The following SLX4 variants were observed in gnomAD, a reference collection of about 807,000 sequenced individuals.
SLX4 encodes structure-specific endonuclease subunit SLX4.
SLX4 carries 112 observed loss-of-function variants against 146.2 expected under a neutral mutation model. That is an observed-to-expected ratio of 0.77 (90% confidence interval 0.66 to 0.90). The LOEUF (loss-of-function observed/expected upper bound fraction) is 0.90. Among genes scored for constraint, SLX4 ranks in the 40% least tolerant of loss-of-function variants. The pLI is 0.00. For missense variants in SLX4, 2,563 were observed against 2,392.7 expected (o/e 1.07, Z -1.49); for synonymous variants, 1,061 against 997.7 (o/e 1.06, Z -1.20).
At chr16:3,583,621 T>A in intron 13 of SLX4, 111 bp from the exon 14 acceptor site, 1 of 1,195,498 alleles carries the variant, frequency 8.4e-7, no homozygotes, top group Non-Finnish European at 1.2e-6. Flanking sequence ...ATGGCTTGTG[T>A]GACAAACCAT....
rs761227900 is a variant in SLX4, at chr16:3,597,932, G to A, written c.1231C>T (p.Arg411Trp). 3.3e-5 allele frequency: 53 copies of A among 1,613,996 alleles called. No homozygotes were observed. Among genetic ancestry groups the A allele is most frequent in the East Asian group, 1.3e-4 (6 of 44,898 alleles). The change falls in exon 6 of 15, where the codon CGG becomes TGG. Residue 411 changes from arginine (R) to tryptophan (W), a missense_variant. Arg to Trp is a moderately radical substitution (Grantham distance 101). Coordinates refer to ENST00000294008, the MANE Select transcript of SLX4 (RefSeq NM_032444.4). The surrounding 1 kb of genome is among the most constrained non-coding windows in gnomAD (Gnocchi z 4.4). The stretch of plus-strand genomic sequence containing the variant: ...TCGGACGGTGCCTCGTCCACCTTCC[G>A]CCTCTTCCGTGGCTCCTTCTTGCTG... ...PTSKKEPRKR[R>W]KVDEAPSEDL... is the part of the protein sequence containing the mutation.
In SLX4 at chr16:3,609,132, G is replaced by A. The variant is rs778643363; in HGVS notation, c.-168C>T. Reference sequence around the variant, plus strand: ...TAAAGTCCACAACTGGGCCGGGCGCGGTGGCTCACACTTGTAATCCCAGCT... The same window carrying A: ...TAAAGTCCACAACTGGGCCGGGCGCAGTGGCTCACACTTGTAATCCCAGCT... On this transcript the variant is annotated 5_prime_UTR_variant, in exon 2 of 15. Coordinates refer to ENST00000294008, the MANE Select transcript of SLX4 (RefSeq NM_032444.4). 30 of 766,532 alleles carry A rather than the reference G, an allele frequency of 3.9e-5. No homozygotes were observed. The highest frequency in any genetic ancestry group is 1.9e-4 in the African/African-American group (11 of 57,866). The allele number at this position is 766,532 out of a possible 1,614,324, so 47.5% of individuals were successfully genotyped here.
In SLX4 at chr16:3,590,221, C is replaced by G. The variant is rs1467795041; in HGVS notation, c.3417G>C (p.Gln1139His). ...CTTCGTTCAGTTTGGATGAAGATTT[C>G]TGAGATCTGGAGCTCGAATGGTCAG... ...SNPDHSSSRS[Q>H]KSSSKLNEED... Residue 1139 changes from glutamine (Q) to histidine (H), a missense_variant, in exon 12 of 15, where the codon CAG becomes CAC. Gln to His is a conservative substitution (Grantham distance 24). Transcript: ENST00000294008. This position sits in a 1 kb window ranked among gnomAD's most constrained non-coding sequence, Gnocchi z 4.8. The G allele has an allele frequency of 6.2e-7, 1 of 1,614,096 alleles. No homozygotes were observed. The highest frequency in any genetic ancestry group is 8.5e-7 in the Non-Finnish European group (1 of 1,180,050).
Position 3,602,102 on chromosome 16 carries a change from C to A in SLX4, c.950+16G>T. On this transcript the variant is annotated intron_variant, in intron 4 of 14. Transcript: ENST00000294008. ...GTCACATACACGGGAGAGGCGACGGCCCAAGCTGCCCCCACCTGTTCACAT... is the reference window on the plus strand; with the variant it reads ...GTCACATACACGGGAGAGGCGACGGACCAAGCTGCCCCCACCTGTTCACAT... 6.2e-7 allele frequency: 1 copy of A among 1,614,034 alleles called. No homozygotes were observed. Among genetic ancestry groups the A allele is most frequent in the Non-Finnish European group, 8.5e-7 (1 of 1,180,024 alleles).
chr16:3,601,236 T>C (rs757844081), intron 4 of SLX4, 45 bp from the exon 5 acceptor site: 49 of 1,599,908 alleles, frequency 3.1e-5, no homozygotes, highest in Non-Finnish European at 4.0e-5. Context: ...TCCCCAGGAA[T>C]GTGGATTGGA....
At position 3,597,784 on chromosome 16, in the gene SLX4, T is replaced by A; in HGVS notation, c.1366+13A>T. On this transcript the variant is annotated intron_variant, in intron 6 of 14. Coordinates refer to ENST00000294008, the MANE Select transcript of SLX4 (RefSeq NM_032444.4). The surrounding 1 kb of genome is among the most constrained non-coding windows in gnomAD (Gnocchi z 4.4). ...ATGGCCTCTCCCAGGGTCACTCTTC[T>A]GATCACACAAACCTGCTTCTGGTCT... The A allele has an allele frequency of 1.2e-6, 2 of 1,614,186 alleles. No homozygotes were observed. Among genetic ancestry groups the A allele is most frequent in the Non-Finnish European group, 1.7e-6 (2 of 1,180,030 alleles).
intron 5 of SLX4, chr16:3,600,531 C>A (rs765595205): frequency 2.3e-5 from 5 of 213,660 alleles, no homozygotes; most frequent in Non-Finnish European, 4.7e-5. Context: ...CGATTTCCGC[C>A]CTAAGTGTTT....
chr16:3,595,785 C>T, intron 8 of SLX4, 92 bp from the exon 9 acceptor site: 1 of 1,448,728 alleles, frequency 6.9e-7, no homozygotes, highest in Non-Finnish European at 9.6e-7. Context: ...GAGCCAGCCC[C>T]TGCGGTGCCT....
rs1455889621 is a variant in SLX4 at position 3,592,851 on chromosome 16, G to A, written c.2175C>T (p.Gly725=). The part of the protein sequence containing the change: ...PLLIQYVNNE[G]FSAVEDGVLT... The stretch of plus-strand genomic sequence containing the variant: ...GAACCCCGTCCTCTACAGCGGAGAA[G>A]CCTTCATTGTTCACCTGCAGGTGAA... The change falls in exon 11 of 15, where the codon GGC becomes GGT. Residue 725 remains glycine, a synonymous_variant. Transcript: ENST00000294008. 1 of 1,610,738 alleles carries A rather than the reference G, an allele frequency of 6.2e-7. No individual in the cohort carries two copies. The highest frequency in any genetic ancestry group is 1.7e-5 in the Admixed American group (1 of 59,974).
chr16:3,600,861 G>T, intron 5 of SLX4, 118 bp downstream of exon 5: 1 of 1,099,200 alleles, frequency 9.1e-7, no homozygotes, highest in Non-Finnish European at 1.3e-6. Context: ...CTCCCAAAGT[G>T]CTGCGATTAC....
At chr16:3,583,541 C>T (rs563571684) in intron 13 of SLX4, 31 bp from the exon 14 acceptor site, 1 of 1,612,962 alleles carries the variant, frequency 6.2e-7, no homozygotes, top group Admixed American at 1.7e-5. Flanking sequence ...TCTCAGGACC[C>T]ACCCACACAG....
intron 3 of SLX4, among the ~76,000 whole-genome samples, chr16:3,604,488 C>T (rs1466983114): frequency 6.6e-6 from 1 of 152,004 alleles, no homozygotes; most frequent in Non-Finnish European, 1.5e-5. Flanking sequence ...GGTAAAGGAT[C>T]CTAATGTCTA....
intron 11 of SLX4, 138 bp downstream of exon 11, chr16:3,592,561 G>T: frequency 9.5e-7 from 1 of 1,057,734 alleles, no homozygotes; most frequent in Non-Finnish European, 1.4e-6. Context: ...ACTGGTCATG[G>T]ACTTGGGATT....
In SLX4 at chr16:3,582,133, T is replaced by G; in HGVS notation, c.*209A>C. On this transcript the variant is annotated 3_prime_UTR_variant, in exon 15 of 15. Coordinates refer to ENST00000294008, the MANE Select transcript of SLX4 (RefSeq NM_032444.4). ...GAGTCTGTAAATCCAGTGGGTGACA[T>G]GCTCCAAATGCCACCCTAGAAAGCA... The G allele has an allele frequency of 3.3e-6, 2 of 597,920 alleles. No homozygotes were observed. The highest frequency in any genetic ancestry group is 6.0e-6 in the Non-Finnish European group (2 of 335,826). 37.0% of individuals were successfully genotyped at this position (597,920 alleles called of 1,614,324 possible). A position where few individuals can be genotyped will look rare whatever the true frequency, so the allele number is the denominator to read the frequency against.
At chr16:3,584,689 C>G in intron 13 of SLX4, 80 bp downstream of exon 13, 1 of 1,128,392 alleles carries the variant, frequency 8.9e-7, no homozygotes, top group South Asian at 1.2e-5. Context: ...GGGGGCCCTT[C>G]CGCCCCCAGG....
Position 3,596,278 on chromosome 16 carries a change from G to A in SLX4, c.1799C>T (p.Pro600Leu), listed in dbSNP as rs749277750. 3.6e-5 allele frequency: 57 copies of A among 1,567,122 alleles called. No homozygotes were observed. Among genetic ancestry groups the A allele is most frequent in the African/African-American group, 5.4e-5 (4 of 73,990 alleles). Residue 600 changes from proline to leucine, a missense_variant, in exon 8 of 15, where the codon CCG becomes CTG. Pro to Leu is a moderately conservative substitution (Grantham distance 98). Coordinates refer to ENST00000294008, the MANE Select transcript of SLX4 (RefSeq NM_032444.4). ...CTCCCTCTGGCTGGCCGAAGGCGACGGGCCCCTGGAGCCACAGCCTGCAGT... is the reference window on the plus strand; with the variant it reads ...CTCCCTCTGGCTGGCCGAAGGCGACAGGCCCCTGGAGCCACAGCCTGCAGT... Reference protein sequence around the residue: ...TPTAGCGSRGPSPSASQREHQ... With the variant: ...TPTAGCGSRGLSPSASQREHQ...
Position 3,606,456 on chromosome 16 carries a change from G to C in SLX4, c.760+18C>G. 1 of 1,612,860 alleles carries C rather than the reference G, an allele frequency of 6.2e-7. No homozygotes were observed. The highest frequency in any genetic ancestry group is 8.5e-7 in the Non-Finnish European group (1 of 1,178,836). ...TTAACTTATCTCTGTGTGGAAGACA[G>C]AAACACACTCATCATACCATTCCCC... On this transcript the variant is annotated intron_variant, in intron 3 of 14. Transcript: ENST00000294008.
At chr16:3,610,681 T>C (rs1484238767) in intron 1 of SLX4, among the ~76,000 whole-genome samples, 1 of 152,212 alleles carries the variant, frequency 6.6e-6, no homozygotes, top group East Asian at 1.9e-4. Context: ...ATCGGCTTAT[T>C]ATCTGTCCCC....
intron 1 of SLX4, among the ~76,000 whole-genome samples, chr16:3,610,774 T>C (rs2040853715): frequency 6.6e-6 from 1 of 152,172 alleles, no homozygotes; most frequent in African/African-American, 2.4e-5. Flanking sequence ...TGACTTGAAA[T>C]AAGTGCTCCA....
Sources: gnomAD v4.1 joint callset for allele counts (sites outside exome capture counted in the v4.1 genomes callset) on GRCh38, gnomAD v4.1.1 for gene constraint, Gnocchi (gnomAD v3.1) non-coding constraint, MANE v1.5 for transcripts, NCBI Gene and HGNC (gene_info 2026-07-23, HGNC 2026-07-21) for gene names.